MZF1: variants seen among roughly 807,000 people sequenced by gnomAD.
MZF1 encodes the protein zinc finger and SCAN domain-containing protein 6.
MZF1 carries 24 observed loss-of-function variants against 28.6 expected under a neutral mutation model. The ratio of observed to expected loss-of-function variants is 0.84; its 90% CI spans 0.61 to 1.18. The LOEUF (loss-of-function observed/expected upper bound fraction) is 1.18. Among genes scored for constraint, MZF1 ranks in the 50% most tolerant of loss-of-function variants. The pLI is 0.00. For synonymous variants in MZF1, 516 were observed against 432.5 expected (o/e 1.19, Z -2.40); for missense variants, 1,166 against 1,026.4 (o/e 1.14, Z -1.86).
chr19:58,564,830 TGTAC>T (rs1358434343), intron 5 of MZF1, among the ~76,000 whole-genome samples: 2 of 150,826 alleles, frequency 1.3e-5, no homozygotes, highest in Non-Finnish European at 2.9e-5. Flanking sequence ...CTTGCTGCTG[TGTAC>T]TTAAGTTGGA....
At chr19:58,570,240 A>G (rs2054132590) in intron 3 of MZF1, 104 bp downstream of exon 3, 4 of 1,275,210 alleles carry the variant, frequency 3.1e-6, no homozygotes, top group Admixed American at 2.3e-5. Flanking sequence ...AAACCATTCC[A>G]TTTATAACAA....
rs1351217348 is a variant in MZF1 at position 58,564,360 on chromosome 19, C to G, written c.773-856G>C. ...AAAAAAATTAAAAAAGGACAAATGG[C>G]AAACCAAAAAACTCTCCACAGGCAA... On this transcript the variant is annotated intron_variant, in intron 5 of 5. Transcript: ENST00000215057. The G allele has an allele frequency of 5.3e-5, 8 of 152,116 alleles. No homozygotes were observed. In the East Asian group the frequency reaches 5.8e-4, roughly 11 times the overall value. 9.4% of individuals were successfully genotyped at this position (152,116 alleles called of 1,614,324 possible).
chr19:58,562,345 C>T lies in MZF1; in HGVS notation c.1932G>A (p.Gln644=). ...AGGGCCGTTCGCCCGTGTGGATGCG[C>T]TGGTGCTCGGTGAGCCGCGAGACCT... is the stretch of plus-strand genomic sequence containing the variant. The part of the protein sequence containing the change: ...FTQVSRLTEH[Q]RIHTGERPFA... The change falls in exon 6 of 6, where the codon CAG becomes CAA. Residue 644 remains glutamine, a synonymous_variant. Coordinates refer to ENST00000215057, the MANE Select transcript of MZF1 (RefSeq NM_198055.2). 6.2e-7 allele frequency: 1 copy of T among 1,608,942 alleles called. No individual in the cohort carries two copies. The highest frequency in any genetic ancestry group is 8.5e-7 in the Non-Finnish European group (1 of 1,178,558).
Position 58,562,662 on chromosome 19 carries a change from G to A in MZF1, c.1615C>T (p.Arg539Trp), listed in dbSNP as rs748231804. ...CCGCACTCGGCACAGGCGAAGGGCC[G>A]CTCGCCACTGTGCACGCGCCGGTGC... ...LQHRRVHSGERPFACAECGQS... is the reference protein window; with the variant it reads ...LQHRRVHSGEWPFACAECGQS... Residue 539 changes from arginine to tryptophan, a missense_variant, in exon 6 of 6, where the codon CGG becomes TGG. Arg to Trp is a moderately radical substitution (Grantham distance 101). Coordinates refer to ENST00000215057, the MANE Select transcript of MZF1 (RefSeq NM_198055.2). 3.9e-6 allele frequency: 6 copies of A among 1,543,526 alleles called. No individual in the cohort carries two copies. The highest frequency in any genetic ancestry group is 5.2e-6 in the Non-Finnish European group (6 of 1,150,698).
Position 58,571,025 on chromosome 19 carries a change from A to T in MZF1, c.365T>A (p.Leu122Gln). 6.2e-7 allele frequency: 1 copy of T among 1,611,120 alleles called. No homozygotes were observed. The highest frequency in any genetic ancestry group is 1.7e-4 in the Middle Eastern group (1 of 6,054). ...CCGGGGTCCGCCCGGCTCCCGGCGC[A>T]GCCCATCTACTAGGGCAGCAGCCTC... ...PEEAAALVDG[L>Q]RREPGGPRRW... is the part of the protein sequence containing the mutation. The change falls in exon 2 of 6, where the codon CTG becomes CAG. Residue 122 changes from leucine to glutamine, a missense_variant. Coordinates refer to ENST00000215057, the MANE Select transcript of MZF1 (RefSeq NM_198055.2).
Position 58,569,571 on chromosome 19 carries a change from C to T in MZF1, c.596G>A (p.Gly199Glu), listed in dbSNP as rs1196910236. 6.2e-7 allele frequency: 1 copy of T among 1,604,058 alleles called. No homozygotes were observed. The highest frequency in any genetic ancestry group is 1.1e-5 in the South Asian group (1 of 90,288). The change falls in exon 4 of 6, where the codon GGG becomes GAG. Residue 199 changes from glycine (G) to glutamate (E), a missense_variant. Physicochemically the swap from Gly to Glu is moderately conservative, Grantham distance 98. Coordinates refer to ENST00000215057, the MANE Select transcript of MZF1 (RefSeq NM_198055.2). ...AGACTCCTGGGTGGCAGCTAGAGGC[C>T]CAGACTCCAGGAAATCTAGAGAGGA... ...VTEDSDFLES[G>E]PLAATQESVP...
intron 2 of MZF1, 88 bp from the exon 3 acceptor site, chr19:58,570,615 G>C: frequency 7.2e-7 from 1 of 1,386,304 alleles, no homozygotes; most frequent in Non-Finnish European, 9.7e-7. Context: ...CCCACTGTAG[G>C]ATCCCAGGGG....
At chr19:58,572,945 G>A in intron 1 of MZF1, 110 bp downstream of exon 1, 1 of 195,050 alleles carries the variant, frequency 5.1e-6, no homozygotes, top group Non-Finnish European at 1.1e-5. Context: ...GGACTGCCCG[G>A]ATTCGTTCCC....
Position 58,562,055 on chromosome 19 carries a change from G to A in MZF1, c.*17C>T, listed in dbSNP as rs777583669. The stretch of plus-strand genomic sequence containing the variant: ...AGGTGTTCTGACCATGGCGGACACA[G>A]TGCGTCCCGGCTGGAGCTACTCGGC... On this transcript the variant is annotated 3_prime_UTR_variant, in exon 6 of 6. Transcript: ENST00000215057. The A allele has an allele frequency of 6.5e-7, 1 of 1,547,096 alleles. No individual in the cohort carries two copies. Among genetic ancestry groups the A allele is most frequent in the Admixed American group, 2.0e-5 (1 of 51,052 alleles).
rs2054196039 is a variant in MZF1 at position 58,573,033 on chromosome 19, G to T, written c.-41+22C>A. 19 of 164,460 alleles carry T rather than the reference G, an allele frequency of 1.2e-4. No homozygotes were observed. The South Asian group carries it at 2.0e-3, about 18-fold the overall frequency. The allele number at this position is 164,460 out of a possible 1,614,324, so 10.2% of individuals were successfully genotyped here. A position where few individuals can be genotyped will look rare whatever the true frequency, so the allele number is the denominator to read the frequency against. Reference sequence around the variant, plus strand: ...CCCCGTCCACACGATAGCCCTCCCGGTTAAGAGGACCCCGCCCTCACCTCT... The same window carrying T: ...CCCCGTCCACACGATAGCCCTCCCGTTTAAGAGGACCCCGCCCTCACCTCT... On this transcript the variant is annotated intron_variant, in intron 1 of 5. Transcript: ENST00000215057.
rs371727211 is a variant in MZF1, at chr19:58,570,978, G to A, written c.396+16C>T. The A allele has an allele frequency of 4.8e-5, 76 of 1,590,822 alleles. No homozygotes were observed. In the African/African-American group the frequency reaches 8.8e-4, roughly 19 times the overall value. On this transcript the variant is annotated intron_variant, in intron 2 of 5. Coordinates refer to ENST00000215057, the MANE Select transcript of MZF1 (RefSeq NM_198055.2). ...GATGCTCCAGTCCTGAACCCCACTC[G>A]TGGACACTCACTCACCCATCTCCGG...
In MZF1 at chr19:58,569,624, T is replaced by C. The variant is rs772432595; in HGVS notation, c.581-38A>G. On this transcript the variant is annotated intron_variant, in intron 3 of 5. Coordinates refer to ENST00000215057, the MANE Select transcript of MZF1 (RefSeq NM_198055.2). ...ACTGGTATCAGGCAGCCTGAGTGAG[T>C]TTCCACCCCACTGCCCTTCTTAGTG... is the stretch of plus-strand genomic sequence containing the variant. 9 of 1,517,046 alleles carry C rather than the reference T, an allele frequency of 5.9e-6. 1 individual carries two copies. In the South Asian group the frequency reaches 1.1e-4, roughly 19 times the overall value. The allele number at this position is 1,517,046 out of a possible 1,614,324, so 94.0% of individuals were successfully genotyped here. A position where few individuals can be genotyped will look rare whatever the true frequency, so the allele number is the denominator to read the frequency against.
intron 1 of MZF1, among the ~76,000 whole-genome samples, chr19:58,572,210 A>G (rs961125095): frequency 6.6e-6 from 1 of 151,926 alleles, no homozygotes; most frequent in Non-Finnish European, 1.5e-5. Context: ...TTTGGGCCCC[A>G]CCATCATTCC....
At chr19:58,572,448 C>G in intron 1 of MZF1, 1 of 923,636 alleles carries the variant, frequency 1.1e-6, no homozygotes, top group South Asian at 1.4e-5. Flanking sequence ...CCAAGACTGC[C>G]GGAACAGGAG....
Position 58,566,122 on chromosome 19 carries a change from C to T in MZF1, c.773-2618G>A, listed in dbSNP as rs1432672951. On this transcript the variant is annotated intron_variant, in intron 5 of 5. Transcript: ENST00000215057. ...TGCCACTGCACTCCAGCCTGGGCGA[C>T]AGAGTGAGACTCCGTCTCAAAAAAA... 7.6e-5 allele frequency among the ~76,000 whole-genome samples: 11 copies of T among 145,648 alleles called. No homozygotes were observed. The South Asian group carries it at 1.3e-3, about 17-fold the overall frequency.
chr19:58,562,705 GC>G lies in MZF1; in HGVS notation c.1571del (p.Arg524ProfsTer33). 3 of 1,535,202 alleles carry G rather than the reference GC, an allele frequency of 2.0e-6. No individual in the cohort carries two copies. The highest frequency in any genetic ancestry group is 1.7e-6 in the Non-Finnish European group (2 of 1,147,072). ...GCCGGTGCTGCAGCAGCACTGAGCGGCGGCCGAAGCGCTCGCCGCACTCGAC... is the reference window on the plus strand; with the variant it reads ...GCCGGTGCTGCAGCAGCACTGAGCGGGGCCGAAGCGCTCGCCGCACTCGAC... Reference protein sequence around the residue: ...GCVECGERFGRRSVLLQHRRV... With the variant: ...GCVECGERFGXRSVLLQHRRV... On this transcript the variant is annotated frameshift_variant, in exon 6 of 6. Transcript: ENST00000215057. LOFTEE classifies it low-confidence loss of function (END_TRUNC).
intron 1 of MZF1, chr19:58,572,581 C>T (rs1422390379): frequency 7.8e-7 from 1 of 1,289,718 alleles, no homozygotes; most frequent in Admixed American, 2.3e-5. Context: ...TCTGCAGCTG[C>T]GGCTTTAGGA....
At chr19:58,565,522 G>A (rs1448665790) in intron 5 of MZF1, among the ~76,000 whole-genome samples, 2 of 151,042 alleles carry the variant, frequency 1.3e-5, no homozygotes, top group East Asian at 2.0e-4. Context: ...GAGCCACCAC[G>A]CCCAGCCCGT....
rs753599711 is a variant in MZF1, at chr19:58,562,489, G to C, written c.1788C>G (p.Pro596=). Residue 596 remains proline, a synonymous_variant, in exon 6 of 6, where the codon CCC becomes CCG. Transcript: ENST00000215057. ...QHLRVHTGEK[P]FACPECGQRF... ...GCTGGCCACACTCGGGGCAGGCAAA[G>C]GGTTTCTCGCCCGTGTGTACGCGGA... 3.1e-6 allele frequency: 5 copies of C among 1,611,104 alleles called. No homozygotes were observed. The South Asian group carries it at 5.5e-5, about 18-fold the overall frequency.
Sources: gnomAD v4.1 joint callset for allele counts (sites outside exome capture counted in the v4.1 genomes callset) on GRCh38, gnomAD v4.1.1 for gene constraint, MANE v1.5 for transcripts, NCBI Gene and HGNC (gene_info 2026-07-23, HGNC 2026-07-21) for gene names.